Variants in ZNF804B observed in about 807,000 individuals in gnomAD.
The protein encoded by ZNF804B is zinc finger 804B.
Under a neutral mutation model 101.4 loss-of-function variants are expected in ZNF804B, and 80 were observed. The observed-to-expected ratio is 0.79, with a 90% CI of 0.66 to 0.95. The LOEUF (loss-of-function observed/expected upper bound fraction) is 0.95, where lower values mean the gene tolerates loss of function less well. Ranked by LOEUF, ZNF804B falls within the 40% of genes least tolerant of loss-of-function variation. The pLI, the probability that ZNF804B is intolerant of heterozygous loss-of-function variation, is 0.00. For missense variants in ZNF804B, 1,673 were observed against 1,561.9 expected (o/e 1.07, Z -1.20); for synonymous variants, 622 against 558.8 (o/e 1.11, Z -1.59).
At chr7:89,087,149 T>C (rs1029223508) in intron 1 of ZNF804B, among the ~76,000 whole-genome samples, 2 of 151,762 alleles carry the variant, frequency 1.3e-5, no homozygotes, top group Admixed American at 1.3e-4. Flanking sequence ...TAAGTCAAAA[T>C]TGGTGTATAT....
chr7:88,877,016 A>ATATATATAATATATATATATATAT (rs1791953288), intron 1 of ZNF804B, among the ~76,000 whole-genome samples: 1 of 83,510 alleles, frequency 1.2e-5, no homozygotes, highest in African/African-American at 7.3e-5. Flanking sequence ...AAATATATAT[A>ATATATATAATATATATATATATAT]TATATATATA....
At chr7:89,133,150 G>A (rs1392958499) in intron 1 of ZNF804B, among the ~76,000 whole-genome samples, 2 of 152,014 alleles carry the variant, frequency 1.3e-5, no homozygotes, top group Non-Finnish European at 2.9e-5. Flanking sequence ...CAGCCAGGTG[G>A]CAGCTGGAGG....
chr7:89,062,297 T>C (rs996189524), intron 1 of ZNF804B, among the ~76,000 whole-genome samples: 2 of 152,080 alleles, frequency 1.3e-5, no homozygotes, highest in African/African-American at 4.8e-5. Context: ...AATTACTTCA[T>C]CAGCAGCCTC....
intron 2 of ZNF804B, among the ~76,000 whole-genome samples, chr7:89,239,141 T>C (rs1442219007): frequency 6.6e-6 from 1 of 152,086 alleles, no homozygotes; most frequent in African/African-American, 2.4e-5. Context: ...TGGAATCTTA[T>C]AAGAGTGAGT....
intron 1 of ZNF804B, among the ~76,000 whole-genome samples, chr7:88,863,707 T>A: frequency 6.6e-6 from 1 of 152,174 alleles, no homozygotes; most frequent in East Asian, 1.9e-4. Context: ...TCTAAGGAAG[T>A]GACATTTGGA....
At chr7:89,269,903 A>G (rs572825074) in intron 2 of ZNF804B, among the ~76,000 whole-genome samples, 1 of 151,944 alleles carries the variant, frequency 6.6e-6, no homozygotes, top group South Asian at 2.1e-4. Context: ...CCACTTTTTG[A>G]TGGGGTTGTT....
At chr7:88,927,864 T>C (rs1792829768) in intron 1 of ZNF804B, among the ~76,000 whole-genome samples, 1 of 152,160 alleles carries the variant, frequency 6.6e-6, no homozygotes, top group Non-Finnish European at 1.5e-5. Context: ...TTATGGGTTT[T>C]TTTTAGCCAT....
intron 1 of ZNF804B, among the ~76,000 whole-genome samples, chr7:88,813,795 G>T (rs983905738): frequency 1.3e-5 from 2 of 151,982 alleles, no homozygotes; most frequent in South Asian, 4.1e-4. Context: ...TTATCTACAG[G>T]GTATTTTATC....
intron 1 of ZNF804B, among the ~76,000 whole-genome samples, chr7:88,767,788 A>G (rs1169503866): frequency 6.6e-6 from 1 of 152,170 alleles, no homozygotes; most frequent in Non-Finnish European, 1.5e-5. Flanking sequence ...ACTATTGTCC[A>G]CTTATACTGA....
At chr7:88,793,564 A>G (rs775677200) in intron 1 of ZNF804B, among the ~76,000 whole-genome samples, 3 of 152,114 alleles carry the variant, frequency 2.0e-5, no homozygotes, top group Non-Finnish European at 4.4e-5. Context: ...AGGCCAGAAT[A>G]TGTGGGCTTT....
Position 89,306,947 on chromosome 7 carries a change from A to G in ZNF804B, c.250-20397A>G, listed in dbSNP as rs139748666. On this transcript the variant is annotated intron_variant, in intron 2 of 3. Transcript: ENST00000333190. ...TTAGATGTGGAACTGCAGAATGAGGATGATGATACATATAGAAATGTAATT... is the reference window on the plus strand; with the variant it reads ...TTAGATGTGGAACTGCAGAATGAGGGTGATGATACATATAGAAATGTAATT... 2.5e-3 allele frequency among the ~76,000 whole-genome samples: 377 copies of G among 152,038 alleles called. 1 individual carries two copies. The highest frequency in any genetic ancestry group is 8.3e-3 in the African/African-American group (345 of 41,526).
Position 89,335,894 on chromosome 7 carries a change from GCTGT to G in ZNF804B, c.2913_2916del (p.Cys972ThrfsTer45). The stretch of plus-strand genomic sequence containing the variant: ...TGCACAATTCAACTTGCACCATCAG[GCTGT>G]AACAGACAAGCATTGCCTTTGTCTG... On this transcript the variant is annotated frameshift_variant, in exon 4 of 4. Coordinates refer to ENST00000333190, the MANE Select transcript of ZNF804B (RefSeq NM_181646.5). LOFTEE classifies it high-confidence loss of function. 6.2e-7 allele frequency: 1 copy of G among 1,614,052 alleles called. No homozygotes were observed. The highest frequency in any genetic ancestry group is 8.5e-7 in the Non-Finnish European group (1 of 1,179,990).
chr7:89,129,835 T>C (rs1790521224), intron 1 of ZNF804B, among the ~76,000 whole-genome samples: 1 of 152,006 alleles, frequency 6.6e-6, no homozygotes, highest in Non-Finnish European at 1.5e-5. Context: ...CTGGATACTT[T>C]ATATCCTGGG....
intron 1 of ZNF804B, among the ~76,000 whole-genome samples, chr7:89,160,556 G>C (rs938080028): frequency 1.3e-5 from 2 of 152,008 alleles, no homozygotes; most frequent in African/African-American, 4.8e-5. Context: ...AAATAACACA[G>C]GATCATAAAA....
chr7:89,149,573 A>G (rs1054939460), intron 1 of ZNF804B, among the ~76,000 whole-genome samples: 14 of 152,242 alleles, frequency 9.2e-5, no homozygotes, highest in African/African-American at 3.4e-4. Flanking sequence ...TTGCAAAAAT[A>G]CCAAGTCACT....
intron 2 of ZNF804B, among the ~76,000 whole-genome samples, chr7:89,257,237 CAATTTCTGAAGG>C (rs1789645896): frequency 6.6e-6 from 1 of 152,052 alleles, no homozygotes; most frequent in Non-Finnish European, 1.5e-5. Context: ...ATACTGGAGT[CAATTTCTGAAGG>C]AAATTAGAGA....
At chr7:89,206,370 A>C (rs1788714499) in intron 1 of ZNF804B, among the ~76,000 whole-genome samples, 2 of 152,210 alleles carry the variant, frequency 1.3e-5, no homozygotes, top group Non-Finnish European at 2.9e-5. Context: ...CTATTGAATT[A>C]TCAGGCTGCA....
chr7:89,331,954 T>G (rs951652593), intron 3 of ZNF804B, among the ~76,000 whole-genome samples: 1 of 151,414 alleles, frequency 6.6e-6, no homozygotes, highest in African/African-American at 2.4e-5. Context: ...TTCACCCAAA[T>G]TAATCAACCT....
chr7:88,846,019 T>G (rs1791368072), intron 1 of ZNF804B, among the ~76,000 whole-genome samples: 2 of 152,208 alleles, frequency 1.3e-5, no homozygotes, highest in African/African-American at 4.8e-5. Flanking sequence ...ATCTCTGACT[T>G]TGGAATATCA....
Sources: allele counts gnomAD v4.1 joint callset (sites outside exome capture counted in the v4.1 genomes callset), GRCh38; gene constraint gnomAD v4.1.1; transcripts MANE v1.5; gene names NCBI Gene and HGNC (gene_info 2026-07-23, HGNC 2026-07-21).